The following CHKA variants were observed in gnomAD, a reference collection of about 807,000 sequenced individuals.
CHKA encodes the protein choline kinase alpha, also known as CHETK-alpha.
Under a neutral mutation model 60.1 loss-of-function variants are expected in CHKA, and 34 were observed. The ratio of observed to expected loss-of-function variants is 0.57; its 90% CI spans 0.43 to 0.75. The LOEUF is 0.75. CHKA is among the 30% of genes least tolerant of loss of function. The probability of loss-of-function intolerance (pLI) is 0.00; values close to 1 mark genes in which losing one functional copy is unlikely to be tolerated. For missense variants in CHKA, 563 were observed against 561.3 expected, an observed-to-expected ratio of 1.00 and a Z score of -0.03; for synonymous variants, 217 against 223.1, an observed-to-expected ratio of 0.97 and a Z score of 0.24.
chr11:68,061,247 C>G (rs908652078), intron 11 of CHKA, among the ~76,000 whole-genome samples: 2 of 151,906 alleles, frequency 1.3e-5, no homozygotes. Context: ...GCTGGGATTA[C>G]AGGCGCCCGC....
rs915400249 is a variant in CHKA at position 68,116,724 on chromosome 11, AAAAG to A, written c.350+4100_350+4103del. ...AGAGCAAGACTGTCTTAAAAAAAAA[AAAAG>A]AAAGAAAGAAAGAAAATGCTAATAA... On this transcript the variant is annotated intron_variant, in intron 1 of 11. Transcript: ENST00000265689. 5.9e-5 allele frequency among the ~76,000 whole-genome samples: 9 copies of A among 152,122 alleles called. No individual in the cohort carries two copies. The South Asian group carries it at 6.2e-4, about 10-fold the overall frequency.
chr11:68,095,812 C>T (rs1436929263), intron 2 of CHKA, among the ~76,000 whole-genome samples: 11 of 147,882 alleles, frequency 7.4e-5, no homozygotes, highest in African/African-American at 2.5e-4. Context: ...GAGGGTGAGG[C>T]GGGCAGATCA....
At chr11:68,075,554 C>G (rs1221656003) in intron 3 of CHKA, among the ~76,000 whole-genome samples, 1 of 152,082 alleles carries the variant, frequency 6.6e-6, no homozygotes, top group Non-Finnish European at 1.5e-5. Context: ...CTTGGTCTTT[C>G]CCCCTTAAAC....
intron 1 of CHKA, among the ~76,000 whole-genome samples, chr11:68,099,899 A>C (rs1010367858): frequency 6.6e-6 from 1 of 152,246 alleles, no homozygotes; most frequent in Non-Finnish European, 1.5e-5. Flanking sequence ...GCTTGGCCAG[A>C]AACAAGCTCA....
At chr11:68,100,440 A>T (rs1172842855) in intron 1 of CHKA, among the ~76,000 whole-genome samples, 1 of 151,950 alleles carries the variant, frequency 6.6e-6, no homozygotes, top group Non-Finnish European at 1.5e-5. Flanking sequence ...AAATACAAAA[A>T]TTAGCCGGGC....
At position 68,053,824 on chromosome 11, in the gene CHKA, C is replaced by A; in HGVS notation, c.*164G>T. 1 of 529,456 alleles carries A rather than the reference C, an allele frequency of 1.9e-6. No individual in the cohort carries two copies. The highest frequency in any genetic ancestry group is 2.7e-5 in the South Asian group (1 of 36,638). 32.8% of individuals were successfully genotyped at this position (529,456 alleles called of 1,614,324 possible). On this transcript the variant is annotated 3_prime_UTR_variant, in exon 12 of 12. Coordinates refer to ENST00000265689, the MANE Select transcript of CHKA (RefSeq NM_001277.3). ...AATCGTAAACAAGAGATGAAATAAA[C>A]GTCGCTCCATTTTAATACCGTCTTT... is the stretch of plus-strand genomic sequence containing the variant.
At chr11:68,080,750 C>T (rs750708514) in intron 3 of CHKA, among the ~76,000 whole-genome samples, 2 of 152,250 alleles carry the variant, frequency 1.3e-5, no homozygotes, top group Middle Eastern at 3.2e-3. Context: ...TGTGCACATG[C>T]ACCCTTCTCT....
At chr11:68,120,113 AGCTACTCGGGAG>A (rs2153034217) in intron 1 of CHKA, among the ~76,000 whole-genome samples, 1 of 151,966 alleles carries the variant, frequency 6.6e-6, no homozygotes, top group Non-Finnish European at 1.5e-5. Flanking sequence ...CTGTAATCCC[AGCTACTCGGGAG>A]GCTGAGGCAA....
At chr11:68,120,020 G>A (rs1858556002) in intron 1 of CHKA, among the ~76,000 whole-genome samples, 1 of 152,082 alleles carries the variant, frequency 6.6e-6, no homozygotes, top group African/African-American at 2.4e-5. Context: ...CCTGAGGTCG[G>A]GAGTTCAAGA....
At chr11:68,082,664 G>C (rs1405302857) in intron 2 of CHKA, 1 of 152,518 alleles carries the variant, frequency 6.6e-6, no homozygotes, top group East Asian at 1.9e-4. Flanking sequence ...ACGTTTTAAT[G>C]CATGTTTTGT....
chr11:68,116,213 G>C (rs1269334959), intron 1 of CHKA, among the ~76,000 whole-genome samples: 1 of 152,146 alleles, frequency 6.6e-6, no homozygotes, highest in Non-Finnish European at 1.5e-5. Flanking sequence ...ATGAAATCTT[G>C]TATCCTTCAC....
chr11:68,119,786 G>A (rs1176100292), intron 1 of CHKA, among the ~76,000 whole-genome samples: 1 of 151,906 alleles, frequency 6.6e-6, no homozygotes, highest in Non-Finnish European at 1.5e-5. Flanking sequence ...CATCTTTAAA[G>A]GTCTCAATAG....
chr11:68,119,053 T>C (rs893306467), intron 1 of CHKA, among the ~76,000 whole-genome samples: 1 of 152,198 alleles, frequency 6.6e-6, no homozygotes, highest in East Asian at 1.9e-4. Flanking sequence ...TTTCACAGAC[T>C]GATGAGTACA....
intron 4 of CHKA, among the ~76,000 whole-genome samples, 176 bp from the exon 5 acceptor site, chr11:68,071,033 A>G (rs954505149): frequency 1.3e-5 from 2 of 152,186 alleles, no homozygotes; most frequent in African/African-American, 4.8e-5. Context: ...AGCAATTGCT[A>G]TGGCATTTCT....
chr11:68,054,948 A>G (rs1855950016), intron 11 of CHKA, among the ~76,000 whole-genome samples: 1 of 152,174 alleles, frequency 6.6e-6, no homozygotes, highest in Non-Finnish European at 1.5e-5. Flanking sequence ...CTTCTCACTC[A>G]GCGTGCTGTC....
chr11:68,079,149 G>T (rs1010626220), intron 3 of CHKA, among the ~76,000 whole-genome samples: 3 of 152,010 alleles, frequency 2.0e-5, no homozygotes, highest in African/African-American at 7.2e-5. Context: ...GGCCAAGCTG[G>T]TCTCAAACTT....
At chr11:68,075,663 C>T (rs1269486010) in intron 3 of CHKA, among the ~76,000 whole-genome samples, 2 of 152,054 alleles carry the variant, frequency 1.3e-5, no homozygotes, top group Non-Finnish European at 2.9e-5. Flanking sequence ...ACAGGCCAGG[C>T]GGTGGCTCAT....
At chr11:68,059,869 G>A (rs367620389) in intron 11 of CHKA, among the ~76,000 whole-genome samples, 33 of 152,300 alleles carry the variant, frequency 2.2e-4, no homozygotes, top group South Asian at 2.1e-3. Context: ...GTTGCTGGGG[G>A]GTTTAATGAA....
intron 2 of CHKA, 68 bp downstream of exon 2, chr11:68,096,951 G>T: frequency 9.4e-7 from 1 of 1,060,350 alleles, no homozygotes; most frequent in South Asian, 1.5e-5. Flanking sequence ...TCTTTCCAAG[G>T]TATCTCAGCA....
Sources: gnomAD v4.1 joint callset for allele counts (sites outside exome capture counted in the v4.1 genomes callset) on GRCh38, gnomAD v4.1.1 for gene constraint, MANE v1.5 for transcripts, NCBI Gene and HGNC (gene_info 2026-07-23, HGNC 2026-07-21) for gene names.